Variants in HOGA1 observed in about 807,000 individuals in gnomAD.
The protein encoded by HOGA1 is 4-hydroxy-2-oxoglutarate aldolase, mitochondrial.
A neutral mutation model predicts 34.3 loss-of-function variants in HOGA1; 30 were observed. That is an observed-to-expected ratio of 0.87 (90% confidence interval 0.65 to 1.19). The LOEUF is 1.19. HOGA1 is among the 50% of genes most tolerant of loss of function. The probability of loss-of-function intolerance (pLI) is 0.00; values close to 1 mark genes in which losing one functional copy is unlikely to be tolerated. For synonymous variants in HOGA1, 161 were observed against 174.0 expected (o/e 0.93, Z 0.59); for missense variants, 417 against 436.5 (o/e 0.96, Z 0.40).
At chr10:97,594,177 T>C (rs2041050894) in intron 1 of HOGA1, among the ~76,000 whole-genome samples, 1 of 127,270 alleles carries the variant, frequency 7.9e-6, no homozygotes, top group Admixed American at 7.9e-5. Flanking sequence ...TCTTTTTTTT[T>C]TTTTTTTTTT....
rs1349905282 is a variant in HOGA1, at chr10:97,611,607, C to T, written c.932C>T (p.Pro311Leu). Residue 311 changes from proline (P) to leucine (L), a missense_variant, in exon 7 of 7, where the codon CCC becomes CTC. By Grantham distance (98) the Pro-to-Leu change is moderately conservative. Transcript: ENST00000370646. ...CGCGCCCCCTTGCAGGAGCTGAGCC[C>T]CGCTGAGGAGGAGGCACTGCGCATG... is the stretch of plus-strand genomic sequence containing the variant. ...PCRAPLQELS[P>L]AEEEALRMDF... The T allele has an allele frequency of 1.2e-6, 2 of 1,614,176 alleles. No individual in the cohort carries two copies. The highest frequency in any genetic ancestry group is 1.7e-5 in the Admixed American group (1 of 60,034).
chr10:97,599,337 T>G (rs994781722), intron 3 of HOGA1, 121 bp downstream of exon 3: 99 of 1,181,612 alleles, frequency 8.4e-5, no homozygotes, highest in Non-Finnish European at 1.2e-4. Context: ...ACTGCCACCA[T>G]GGATCAGCTG....
intron 1 of HOGA1, among the ~76,000 whole-genome samples, chr10:97,597,494 G>T (rs1045505111): frequency 6.6e-6 from 1 of 152,024 alleles, no homozygotes; most frequent in Non-Finnish European, 1.5e-5. Context: ...CAGGTATACT[G>T]GTTAGACATA....
intron 1 of HOGA1, among the ~76,000 whole-genome samples, chr10:97,596,568 T>C (rs2041073334): frequency 6.6e-6 from 1 of 152,164 alleles, no homozygotes; most frequent in Admixed American, 6.5e-5. Flanking sequence ...TGCAGCCCCA[T>C]GTAGCAAGAC....
intron 6 of HOGA1, 42 bp from the exon 7 acceptor site, chr10:97,611,468 C>T (rs774773179): frequency 6.2e-7 from 1 of 1,612,608 alleles, no homozygotes; most frequent in East Asian, 2.2e-5. Flanking sequence ...TATGGGTGTT[C>T]AGCAAATTTC....
chr10:97,610,118 C>T (rs974173561), intron 6 of HOGA1, among the ~76,000 whole-genome samples: 1 of 152,166 alleles, frequency 6.6e-6, no homozygotes. Flanking sequence ...AGTTGCTATA[C>T]CAAAAGCAAG....
In HOGA1 at chr10:97,611,846, G is replaced by C; in HGVS notation, c.*187G>C. ...GCCCATGCATATCTCCTATTCTAAC[G>C]GCCCCTGACCTCTCCCTTTTGGATC... On this transcript the variant is annotated 3_prime_UTR_variant, in exon 7 of 7. Transcript: ENST00000370646. 1.6e-6 allele frequency: 1 copy of C among 634,288 alleles called. No individual in the cohort carries two copies. Among genetic ancestry groups the C allele is most frequent in the South Asian group, 1.9e-5 (1 of 52,374 alleles). The allele number at this position is 634,288 out of a possible 1,614,324, so 39.3% of individuals were successfully genotyped here.
intron 1 of HOGA1, among the ~76,000 whole-genome samples, chr10:97,594,419 A>G (rs986369464): frequency 5.9e-5 from 9 of 151,754 alleles, no homozygotes; most frequent in South Asian, 2.1e-4. Flanking sequence ...CAGTAGCCCA[A>G]TCTTGGCTCA....
chr10:97,591,781 C>T (rs1001283390), intron 1 of HOGA1, among the ~76,000 whole-genome samples: 11 of 148,050 alleles, frequency 7.4e-5, no homozygotes, highest in African/African-American at 2.3e-4. Flanking sequence ...TGTGGAACCA[C>T]ACCTGGCTAA....
At chr10:97,599,325 G>A in intron 3 of HOGA1, 109 bp downstream of exon 3, 1 of 1,323,130 alleles carries the variant, frequency 7.6e-7, no homozygotes, top group Non-Finnish European at 1.1e-6. Context: ...GGAAACGGGT[G>A]GACTGCCACC....
rs200898167 is a variant in HOGA1 at position 97,598,844 on chromosome 10, G to C, written c.281G>C (p.Ser94Thr). 6.2e-7 allele frequency: 1 copy of C among 1,614,182 alleles called. No individual in the cohort carries two copies. Among genetic ancestry groups the C allele is most frequent in the East Asian group, 2.2e-5 (1 of 44,884 alleles). ...AGCAGTGAGCGCCTCGAGGTGGTGA[G>C]CCGTGTGCGCCAGGCCATGCCCAAG... ...LTSSERLEVV[S>T]RVRQAMPKNR... The change falls in exon 2 of 7, where the codon AGC becomes ACC. Residue 94 changes from serine to threonine, a missense_variant. Ser to Thr is a moderately conservative substitution (Grantham distance 58). Coordinates refer to ENST00000370646, the MANE Select transcript of HOGA1 (RefSeq NM_138413.4).
intron 6 of HOGA1, chr10:97,602,516 A>G: frequency 2.0e-6 from 2 of 985,408 alleles, no homozygotes; most frequent in Non-Finnish European, 2.4e-6. Flanking sequence ...TTCAGAGAGA[A>G]CGCCCATCAA....
Position 97,603,852 on chromosome 10 carries a change from G to A in HOGA1, c.834+1862G>A, listed in dbSNP as rs2041139281. ...TGGGATTACAGGCATGAGCCACTGC[G>A]CCTGGCCAAACTTTTTATTTTTAGA... On this transcript the variant is annotated intron_variant, in intron 6 of 6. Transcript: ENST00000370646. This position sits in a 1 kb window ranked among gnomAD's most constrained non-coding sequence, Gnocchi z 4.5. 1.3e-5 allele frequency among the ~76,000 whole-genome samples: 2 copies of A among 151,960 alleles called. No homozygotes were observed. The highest frequency in any genetic ancestry group is 2.4e-5 in the African/African-American group (1 of 41,518).
chr10:97,591,100 G>C (rs2135715809), intron 1 of HOGA1, among the ~76,000 whole-genome samples: 1 of 152,280 alleles, frequency 6.6e-6, no homozygotes, highest in South Asian at 2.1e-4. Context: ...CCTGGTCTCA[G>C]GTTCTGGAAA....
Position 97,611,885 on chromosome 10 carries a change from C to G in HOGA1, c.*226C>G, listed in dbSNP as rs767185954. ...CCCTTTTGGATCCTAAACTGTGTCT[C>G]TGGTCTGAAGACTGGGAAGGAGCAA... On this transcript the variant is annotated 3_prime_UTR_variant, in exon 7 of 7. Transcript: ENST00000370646. 1.0e-5 allele frequency: 6 copies of G among 581,964 alleles called. No homozygotes were observed. The highest frequency in any genetic ancestry group is 1.8e-5 in the Non-Finnish European group (6 of 327,438). The allele number at this position is 581,964 out of a possible 1,614,324, so 36.1% of individuals were successfully genotyped here. A position where few individuals can be genotyped will look rare whatever the true frequency, so the allele number is the denominator to read the frequency against.
At chr10:97,590,576 G>C (rs375707780) in intron 1 of HOGA1, 2 of 1,605,630 alleles carry the variant, frequency 1.2e-6, no homozygotes, top group Non-Finnish European at 1.7e-6. Context: ...CTAGATCTGT[G>C]ACTTCTTGGA....
At chr10:97,609,219 G>A (rs2041179010) in intron 6 of HOGA1, among the ~76,000 whole-genome samples, 1 of 152,126 alleles carries the variant, frequency 6.6e-6, no homozygotes. Flanking sequence ...CTCTGAAAAC[G>A]AAGGTCCCAG....
At chr10:97,592,254 T>G (rs1292636427) in intron 1 of HOGA1, among the ~76,000 whole-genome samples, 1 of 150,418 alleles carries the variant, frequency 6.6e-6, no homozygotes, top group Non-Finnish European at 1.5e-5. Flanking sequence ...TTTTTTTTTT[T>G]TTTTGAGACG....
In HOGA1 at chr10:97,599,130, G is replaced by A; in HGVS notation, c.382G>A (p.Val128Ile). The change falls in exon 3 of 7, where the codon GTC (valine) becomes ATC (isoleucine). Residue 128 changes from valine to isoleucine, a missense_variant. Coordinates refer to ENST00000370646, the MANE Select transcript of HOGA1 (RefSeq NM_138413.4). ...GGAGATGACCGTCAGCATGGCCCAG[G>A]TCGGGGCTGACGCGGCCATGGTGGT... ...TVEMTVSMAQ[V>I]GADAAMVVTP... is the part of the protein sequence containing the mutation. The A allele has an allele frequency of 1.9e-6, 3 of 1,613,790 alleles. No individual in the cohort carries two copies. Among genetic ancestry groups the A allele is most frequent in the Non-Finnish European group, 2.5e-6 (3 of 1,180,030 alleles).
Sources: gnomAD v4.1 joint callset for allele counts (sites outside exome capture counted in the v4.1 genomes callset) on GRCh38, gnomAD v4.1.1 for gene constraint, Gnocchi (gnomAD v3.1) non-coding constraint, MANE v1.5 for transcripts, NCBI Gene and HGNC (gene_info 2026-07-23, HGNC 2026-07-21) for gene names.